Variants in PNPLA6 observed in about 807,000 individuals in gnomAD.
PNPLA6 encodes the protein patatin-like phospholipase domain-containing protein 6.
A neutral mutation model predicts 153.7 loss-of-function variants in PNPLA6; 105 were observed. The observed-to-expected ratio is 0.68, with a 90% CI of 0.58 to 0.80. PNPLA6 has a LOEUF of 0.80. Among genes scored for constraint, PNPLA6 ranks in the 30% least tolerant of loss-of-function variants. PNPLA6 has a pLI of 0.00. For missense variants in PNPLA6, 1,423 were observed against 1,919.3 expected, an observed-to-expected ratio of 0.74 and a Z score of 4.83; for synonymous variants, 825 against 822.2, an observed-to-expected ratio of 1.00 and a Z score of -0.06.
intron 14 of PNPLA6, 90 bp downstream of exon 14, chr19:7,550,202 T>A: frequency 6.2e-7 from 1 of 1,609,790 alleles, no homozygotes; most frequent in South Asian, 1.1e-5. Context: ...ACCTCACTCC[T>A]GGAAGAGCAG....
At position 7,536,564 on chromosome 19, in the gene PNPLA6, G is replaced by A. The variant is rs1417527481; in HGVS notation, c.413+18G>A. 6.5e-7 allele frequency: 1 copy of A among 1,535,034 alleles called. No individual in the cohort carries two copies. Among genetic ancestry groups the A allele is most frequent in the South Asian group, 1.1e-5 (1 of 89,474 alleles). On this transcript the variant is annotated intron_variant, in intron 3 of 31. Coordinates refer to ENST00000600737, the MANE Select transcript of PNPLA6 (RefSeq NM_001166114.2). The stretch of plus-strand genomic sequence containing the variant: ...GCCAAGAAGTAAGGCTGTGCTGGGT[G>A]TGACCTGGTATTAGGGGTTATCTCA...
At position 7,551,699 on chromosome 19, in the gene PNPLA6, C is replaced by T. The variant is rs557596; in HGVS notation, c.2260+262C>T. ...GGGCTCGAAAGTAAATCAGTGGTGC[C>T]GGGGAGGGAGTCTTAGGCGGTGGAC... On this transcript the variant is annotated intron_variant, in intron 18 of 31. Coordinates refer to ENST00000600737, the MANE Select transcript of PNPLA6 (RefSeq NM_001166114.2). Among the ~76,000 whole-genome samples the T allele has an allele frequency of 0.49, 74,804 of 151,876 alleles. 18,853 individuals are homozygous for T. The highest frequency in any genetic ancestry group is 0.65 in the South Asian group (3,138 of 4,808).
chr19:7,537,513 T>C (rs1304646918), intron 3 of PNPLA6, among the ~76,000 whole-genome samples: 3 of 152,196 alleles, frequency 2.0e-5, no homozygotes, highest in Admixed American at 1.3e-4. Flanking sequence ...CTTTGCAAGT[T>C]GGGTGCTGGC....
At position 7,561,051 on chromosome 19, in the gene PNPLA6, C is replaced by T; in HGVS notation, c.3854C>T (p.Ala1285Val). ...CCAAGCTCTGGCTTCACTGACTTGG[C>T]AGAGATTGTGTCCCGGATTGAGCCC... is the stretch of plus-strand genomic sequence containing the variant. ...AFPSSGFTDL[A>V]EIVSRIEPPT... The change falls in exon 30 of 32, where the codon GCA becomes GTA. Residue 1285 changes from alanine to valine, a missense_variant. Transcript: ENST00000600737. 1 of 1,613,380 alleles carries T rather than the reference C, an allele frequency of 6.2e-7. No individual in the cohort carries two copies. The highest frequency in any genetic ancestry group is 8.5e-7 in the Non-Finnish European group (1 of 1,179,784).
At chr19:7,537,147 T>C (rs2022915229) in intron 3 of PNPLA6, among the ~76,000 whole-genome samples, 1 of 152,030 alleles carries the variant, frequency 6.6e-6, no homozygotes, top group African/African-American at 2.4e-5. Flanking sequence ...GCCATATACT[T>C]AGTGGGGGGG....
chr19:7,559,178 C>T, intron 28 of PNPLA6, 27 bp downstream of exon 28: 2 of 1,603,704 alleles, frequency 1.2e-6, no homozygotes. Flanking sequence ...GGCATGGTGC[C>T]TGCATAGGTG....
intron 16 of PNPLA6, 56 bp from the exon 17 acceptor site, chr19:7,550,938 C>A: frequency 7.7e-7 from 1 of 1,306,084 alleles, no homozygotes; most frequent in Admixed American, 2.0e-5. Context: ...TTCCACCCAT[C>A]TTCGGCCTCC....
intron 10 of PNPLA6, 44 bp downstream of exon 10, chr19:7,542,111 G>C: frequency 2.0e-6 from 3 of 1,521,624 alleles, no homozygotes; most frequent in Non-Finnish European, 2.7e-6. Context: ...GAGCTTCCAG[G>C]TTTGAATCCA....
chr19:7,539,391 A>G (rs1200429692), intron 3 of PNPLA6, among the ~76,000 whole-genome samples: 1 of 151,852 alleles, frequency 6.6e-6, no homozygotes, highest in Non-Finnish European at 1.5e-5. Context: ...AGGCAGGAGA[A>G]TCGCTTTAGC....
At position 7,555,547 on chromosome 19, in the gene PNPLA6, G is replaced by A. The variant is rs2023840909; in HGVS notation, c.2937-60G>A. ...CAGTGCGGGAGGTGGGAGGAGGTAGGGGCAGGGGAGTTCCTGCAGGTGGGG... is the reference window on the plus strand; with the variant it reads ...CAGTGCGGGAGGTGGGAGGAGGTAGAGGCAGGGGAGTTCCTGCAGGTGGGG... On this transcript the variant is annotated intron_variant, in intron 23 of 31. Coordinates refer to ENST00000600737, the MANE Select transcript of PNPLA6 (RefSeq NM_001166114.2). This position sits in a 1 kb window ranked among gnomAD's most constrained non-coding sequence, Gnocchi z 6.3. 1.9e-6 allele frequency: 3 copies of A among 1,573,312 alleles called. No individual in the cohort carries two copies. The highest frequency in any genetic ancestry group is 1.7e-6 in the Non-Finnish European group (2 of 1,151,232).
rs1555751742 is a variant in PNPLA6 at position 7,559,223 on chromosome 19, G to T, written c.3699+72G>T. The T allele has an allele frequency of 5.9e-5, 77 of 1,297,112 alleles. 2 individuals carry two copies. In the South Asian group the frequency reaches 8.8e-4, roughly 15 times the overall value. The allele number at this position is 1,297,112 out of a possible 1,614,324, so 80.4% of individuals were successfully genotyped here. A position where few individuals can be genotyped will look rare whatever the true frequency, so the allele number is the denominator to read the frequency against. On this transcript the variant is annotated intron_variant, in intron 28 of 31. Transcript: ENST00000600737. ...AGCTTTGCTACTTAAAGCCCAGAGT[G>T]GTATGAGGGGGAGGAATCCAGGAGG...
At chr19:7,557,002 A>G in intron 26 of PNPLA6, 166 bp from the exon 27 acceptor site, 2 of 760,164 alleles carry the variant, frequency 2.6e-6, no homozygotes, top group Non-Finnish European at 4.7e-6. Context: ...AGCGCCTCCT[A>G]CTGCCCCTAC....
Position 7,542,616 on chromosome 19 carries a change from C to T in PNPLA6, c.1308C>T (p.Ile436=). 3 of 1,613,654 alleles carry T rather than the reference C, an allele frequency of 1.9e-6. No individual in the cohort carries two copies. Among genetic ancestry groups the T allele is most frequent in the Non-Finnish European group, 2.5e-6 (3 of 1,180,002 alleles). The part of the protein sequence containing the change: ...DFDMAYERGR[I]SVSLQEEASG... ...ACATGGCCTATGAGCGTGGCCGGAT[C>T]TCCGTGTCCCTGCAGGAAGAGGCCT... Residue 436 remains isoleucine, a synonymous_variant, in exon 11 of 32, where the codon ATC becomes ATT. Coordinates refer to ENST00000600737, the MANE Select transcript of PNPLA6 (RefSeq NM_001166114.2).
intron 28 of PNPLA6, among the ~76,000 whole-genome samples, chr19:7,559,793 A>T (rs1034253354): frequency 6.6e-6 from 1 of 151,566 alleles, no homozygotes; most frequent in Admixed American, 6.6e-5. Context: ...GCAGTGAGCT[A>T]TGATTGCGTC....
Position 7,545,871 on chromosome 19 carries a change from C to T in PNPLA6, c.1608+2787C>T, listed in dbSNP as rs185695824. 1.1e-3 allele frequency among the ~76,000 whole-genome samples: 153 copies of T among 144,444 alleles called. 1 individual carries two copies. In the East Asian group the frequency reaches 0.025, roughly 24 times the overall value. 94.8% of individuals were successfully genotyped at this position (144,444 alleles called of 152,430 possible). A position where few individuals can be genotyped will look rare whatever the true frequency, so the allele number is the denominator to read the frequency against. ...GTTGCAGTGAGCTGAGATCGCACCC[C>T]TGCACTCCAGCCTGTGCAACAGAGT... On this transcript the variant is annotated intron_variant, in intron 13 of 31. Coordinates refer to ENST00000600737, the MANE Select transcript of PNPLA6 (RefSeq NM_001166114.2).
At chr19:7,549,834 T>G in intron 13 of PNPLA6, 73 bp from the exon 14 acceptor site, 1 of 1,411,582 alleles carries the variant, frequency 7.1e-7, no homozygotes, top group Admixed American at 1.7e-5. Flanking sequence ...TTTTTTCCTG[T>G]GGGGGCATGT....
intron 18 of PNPLA6, 152 bp downstream of exon 18, chr19:7,551,589 A>C: frequency 2.8e-6 from 2 of 705,828 alleles, no homozygotes; most frequent in Non-Finnish European, 5.1e-6. Context: ...AGTAGGACCC[A>C]GGTGCAGAGC....
chr19:7,542,132 C>T, intron 10 of PNPLA6, 65 bp downstream of exon 10: 1 of 1,305,340 alleles, frequency 7.7e-7, no homozygotes, highest in Non-Finnish European at 1.1e-6. Context: ...GGTCCACCGC[C>T]TGCCTGTCTT....
intron 20 of PNPLA6, 101 bp downstream of exon 20, chr19:7,554,373 T>C: frequency 1.5e-6 from 2 of 1,295,434 alleles, no homozygotes; most frequent in Non-Finnish European, 2.2e-6. Flanking sequence ...CCACGGAGCC[T>C]GCGTCTTACC....
Sources: allele counts gnomAD v4.1 joint callset (sites outside exome capture counted in the v4.1 genomes callset), GRCh38; gene constraint gnomAD v4.1.1; non-coding constraint Gnocchi (gnomAD v3.1); transcripts MANE v1.5; gene names NCBI Gene and HGNC (gene_info 2026-07-23, HGNC 2026-07-21).